PTPRD: variants seen among roughly 807,000 people sequenced by gnomAD.
PTPRD encodes the protein protein tyrosine phosphatase receptor type D.
In PTPRD, 34 loss-of-function variants were observed where a neutral mutation model predicts 214.5. The observed-to-expected ratio is 0.16, with a 90% CI of 0.12 to 0.21. The LOEUF (loss-of-function observed/expected upper bound fraction) is 0.21, where lower values mean the gene tolerates loss of function less well. PTPRD is among the 10% of genes least tolerant of loss of function. PTPRD has a pLI of 1.00. For missense variants in PTPRD, 2,545 were observed against 2,398.7 expected, an observed-to-expected ratio of 1.06 and a Z score of -1.27; for synonymous variants, 1,128 against 845.7, an observed-to-expected ratio of 1.33 and a Z score of -5.79.
At chr9:8,484,089 C>A in intron 30 of PTPRD, 30 bp downstream of exon 30, 1 of 1,594,460 alleles carries the variant, frequency 6.3e-7, no homozygotes, top group Non-Finnish European at 8.6e-7. Context: ...ATAATTCTTT[C>A]CTTCAGCCCT....
intron 7 of PTPRD, among the ~76,000 whole-genome samples, chr9:9,594,750 C>G (rs544327245): frequency 6.6e-6 from 1 of 151,848 alleles, no homozygotes; most frequent in Admixed American, 6.6e-5. Context: ...TTGGCTATGT[C>G]GGCTTTTTGC....
At chr9:10,394,270 A>G (rs745001) in intron 2 of PTPRD, among the ~76,000 whole-genome samples, 5,239 of 147,890 alleles carry the variant, frequency 0.035, 303 homozygotes, top group African/African-American at 0.12. Context: ...TTTGTCTTAT[A>G]TAAGTAAAAT....
At chr9:9,339,891 C>A (rs113254151) in intron 9 of PTPRD, among the ~76,000 whole-genome samples, 102 of 152,142 alleles carry the variant, frequency 6.7e-4, no homozygotes, top group African/African-American at 2.4e-3. Flanking sequence ...TCAATTTATA[C>A]CAATATATAT....
intron 3 of PTPRD, among the ~76,000 whole-genome samples, chr9:10,116,201 C>A (rs537833052): frequency 1.3e-5 from 2 of 152,180 alleles, no homozygotes; most frequent in African/African-American, 4.8e-5. Context: ...ATAACCACAT[C>A]ATCATAAAGA....
At chr9:9,230,089 T>C (rs543935596) in intron 9 of PTPRD, among the ~76,000 whole-genome samples, 1 of 152,272 alleles carries the variant, frequency 6.6e-6, no homozygotes, top group South Asian at 2.1e-4. Context: ...TTGGTCTTTG[T>C]CCTCTGTTCC....
At chr9:9,798,513 G>C (rs183628212) in intron 5 of PTPRD, among the ~76,000 whole-genome samples, 4 of 152,162 alleles carry the variant, frequency 2.6e-5, no homozygotes, top group African/African-American at 9.7e-5. Context: ...TTCTTCCAAG[G>C]ATAGGGAAGG....
chr9:9,479,493 T>C (rs1218497496), intron 8 of PTPRD, among the ~76,000 whole-genome samples: 2 of 152,148 alleles, frequency 1.3e-5, no homozygotes, highest in Middle Eastern at 3.2e-3. Context: ...ATTAAGTCCC[T>C]GACATCATTA....
At chr9:8,736,732 T>G (rs1004144975) in intron 11 of PTPRD, among the ~76,000 whole-genome samples, 1 of 151,828 alleles carries the variant, frequency 6.6e-6, no homozygotes, top group Non-Finnish European at 1.5e-5. Flanking sequence ...TGGGTTGGCA[T>G]GAAGAAGCAA....
At chr9:8,363,824 TTCA>T (rs1481712456) in intron 39 of PTPRD, among the ~76,000 whole-genome samples, 1 of 152,170 alleles carries the variant, frequency 6.6e-6, no homozygotes, top group Non-Finnish European at 1.5e-5. Flanking sequence ...GCTAGCTGAA[TTCA>T]TCATCATTTA....
chr9:8,508,181 G>C (rs1030456188), intron 21 of PTPRD, among the ~76,000 whole-genome samples: 1 of 152,174 alleles, frequency 6.6e-6, no homozygotes, highest in African/African-American at 2.4e-5. Context: ...AACTTAAAGA[G>C]ATCATCTATA....
intron 3 of PTPRD, among the ~76,000 whole-genome samples, chr9:10,165,095 G>T (rs2099151204): frequency 1.3e-5 from 2 of 151,560 alleles, no homozygotes; most frequent in Non-Finnish European, 3.0e-5. Flanking sequence ...AGGGCCTGGT[G>T]CCCTACAGAA....
chr9:9,274,377 A>T (rs1172543757), intron 9 of PTPRD, among the ~76,000 whole-genome samples: 2 of 151,356 alleles, frequency 1.3e-5, no homozygotes, highest in Non-Finnish European at 3.0e-5. Context: ...ACTTTAAATC[A>T]TTTGTGGTAA....
At chr9:9,098,284 G>C (rs184866890) in intron 10 of PTPRD, among the ~76,000 whole-genome samples, 1 of 151,834 alleles carries the variant, frequency 6.6e-6, no homozygotes. Context: ...TATCATTTTT[G>C]TTGTTGTTGT....
At position 8,427,489 on chromosome 9, in the gene PTPRD, C is replaced by CTTGTTG. The variant is rs572298059; in HGVS notation, c.4086+9102_4086+9103insCAACAA. On this transcript the variant is annotated intron_variant, in intron 35 of 45. Coordinates refer to ENST00000381196, the MANE Select transcript of PTPRD (RefSeq NM_002839.4). ...CACCTGCTGTGTGCCGAGCGGTGAGCTTGTTACCACGTGGCCAACAGCATA... is the reference window on the plus strand; with the variant it reads ...CACCTGCTGTGTGCCGAGCGGTGAGCTTGTTGTTGTTACCACGTGGCCAACAGCATA... Among the ~76,000 whole-genome samples, 629 of 152,200 alleles carry CTTGTTG rather than the reference C, an allele frequency of 4.1e-3. 1 individual carries two copies. The highest frequency in any genetic ancestry group is 6.7e-3 in the Non-Finnish European group (455 of 68,022).
At chr9:9,015,679 G>A (rs1168278267) in intron 11 of PTPRD, among the ~76,000 whole-genome samples, 1 of 152,070 alleles carries the variant, frequency 6.6e-6, no homozygotes, top group Non-Finnish European at 1.5e-5. Flanking sequence ...CTTGGGTGGG[G>A]TCTGGATTGG....
At chr9:10,040,151 G>C (rs770975267) in intron 3 of PTPRD, among the ~76,000 whole-genome samples, 1 of 152,018 alleles carries the variant, frequency 6.6e-6, no homozygotes, top group Non-Finnish European at 1.5e-5. Flanking sequence ...GCTCAAATTA[G>C]AGAAAGAAGT....
At chr9:8,606,933 G>A (rs915885527) in intron 14 of PTPRD, among the ~76,000 whole-genome samples, 2 of 152,158 alleles carry the variant, frequency 1.3e-5, no homozygotes, top group African/African-American at 4.8e-5. Context: ...ATAGTCTTAG[G>A]TAAAGAAAAC....
At chr9:8,318,690 T>C (rs1419164390) in intron 45 of PTPRD, among the ~76,000 whole-genome samples, 1 of 152,000 alleles carries the variant, frequency 6.6e-6, no homozygotes, top group Admixed American at 6.6e-5. Flanking sequence ...CCCAATTCTG[T>C]GTGATTGCTA....
At chr9:9,389,435 G>A (rs7847361) in intron 9 of PTPRD, among the ~76,000 whole-genome samples, 3 of 151,888 alleles carry the variant, frequency 2.0e-5, no homozygotes, top group African/African-American at 7.3e-5. Context: ...GCTTGAACCC[G>A]GGAGGCAGAG....
Sources: allele counts gnomAD v4.1 joint callset (sites outside exome capture counted in the v4.1 genomes callset), GRCh38; gene constraint gnomAD v4.1.1; transcripts MANE v1.5; gene names NCBI Gene and HGNC (gene_info 2026-07-23, HGNC 2026-07-21).